CRB1: variants seen among roughly 807,000 people sequenced by gnomAD.
CRB1 encodes the protein crumbs cell polarity complex component 1, also known as protein crumbs homolog 1.
CRB1 carries 83 observed loss-of-function variants against 120.0 expected under a neutral mutation model. The ratio of observed to expected loss-of-function variants is 0.69; its 90% CI spans 0.58 to 0.83. The LOEUF (loss-of-function observed/expected upper bound fraction) is 0.83. Ranked by LOEUF, CRB1 falls within the 40% of genes least tolerant of loss-of-function variation. CRB1 has a pLI of 0.00. For missense variants in CRB1, 1,699 were observed against 1,687.6 expected (o/e 1.01, Z -0.12); for synonymous variants, 625 against 612.5 (o/e 1.02, Z -0.30).
the CRB1 span, among the ~76,000 whole-genome samples, chr1:197,259,588 A>G: frequency 6.6e-6 from 1 of 152,164 alleles, no homozygotes; most frequent in South Asian, 2.1e-4. Flanking sequence ...GTGGGGCTTG[A>G]AACCTAGGTG....
chr1:197,415,330 T>C (rs1456532652), intron 5 of CRB1, among the ~76,000 whole-genome samples: 2 of 152,218 alleles, frequency 1.3e-5, no homozygotes, highest in Non-Finnish European at 2.9e-5. Flanking sequence ...CATATCCCTG[T>C]GAAGGTGATC....
At chr1:197,442,051 G>A in intron 10 of CRB1, 115 bp from the exon 11 acceptor site, 1 of 1,151,756 alleles carries the variant, frequency 8.7e-7, no homozygotes, top group South Asian at 1.2e-5. Context: ...AGTATGTGTG[G>A]ATGGGTAGAT....
chr1:197,340,639 T>A (rs912687041), intron 2 of CRB1, among the ~76,000 whole-genome samples: 1 of 151,918 alleles, frequency 6.6e-6, no homozygotes, highest in Non-Finnish European at 1.5e-5. Flanking sequence ...GATGATGAGA[T>A]CTGATGACTA....
chr1:197,418,016 T>A (rs1664096633), intron 5 of CRB1, among the ~76,000 whole-genome samples: 1 of 151,994 alleles, frequency 6.6e-6, no homozygotes, highest in Non-Finnish European at 1.5e-5. Flanking sequence ...TATCTAATAG[T>A]GAGCCGAAAA....
At chr1:197,290,000 A>G (rs1393499553) in intron 1 of CRB1, among the ~76,000 whole-genome samples, 1 of 151,690 alleles carries the variant, frequency 6.6e-6, no homozygotes, top group Non-Finnish European at 1.5e-5. Flanking sequence ...TATAAAAGTT[A>G]TATTTGTCAG....
At chr1:197,363,135 G>GA (rs1385180593) in intron 5 of CRB1, among the ~76,000 whole-genome samples, 1 of 146,090 alleles carries the variant, frequency 6.8e-6, no homozygotes, top group African/African-American at 2.5e-5. Flanking sequence ...TTCTATTTAG[G>GA]TTTTTTTTTT....
chr1:197,477,905 G>A lies in CRB1; in HGVS notation c.*26G>A. ...GAGCATTGTGTCCCTTCGAGATGGG[G>A]ATCCACACACTGTGAATGTGATGAC... On this transcript the variant is annotated 3_prime_UTR_variant, in exon 12 of 12. Transcript: ENST00000367400. 1 of 1,603,000 alleles carries A rather than the reference G, an allele frequency of 6.2e-7. No individual in the cohort carries two copies. The highest frequency in any genetic ancestry group is 8.5e-7 in the Non-Finnish European group (1 of 1,170,154).
chr1:197,453,905 TAA>T (rs1195169414), intron 11 of CRB1, among the ~76,000 whole-genome samples: 3 of 34,966 alleles, frequency 8.6e-5, no homozygotes, highest in Non-Finnish European at 1.8e-4. Flanking sequence ...ATTATATTAT[TAA>T]TATATATTAT....
chr1:197,266,216 T>C (rs1034475700), upstream of CRB1, among the ~76,000 whole-genome samples: 1 of 152,168 alleles, frequency 6.6e-6, no homozygotes, highest in Admixed American at 6.5e-5. Context: ...ACTGGGTAAT[T>C]TATAACAAGA....
At position 197,286,920 on chromosome 1, in the gene CRB1, CTA is replaced by C. The variant is rs202004728; in HGVS notation, c.70+18440_70+18441del. Among the ~76,000 whole-genome samples the C allele has an allele frequency of 6.0e-3, 911 of 151,874 alleles. 10 individuals are homozygous for C. Among genetic ancestry groups the C allele is most frequent in the African/African-American group, 0.018 (755 of 41,480 alleles). On this transcript the variant is annotated intron_variant, in intron 1 of 11. Transcript: ENST00000367400. Reference sequence around the variant, plus strand: ...GTTTCATTCAAGGGAAAAAGAAAAACTATTTTGAATTCTATTAATTTTCTGCT... The same window carrying C: ...GTTTCATTCAAGGGAAAAAGAAAAACTTTTGAATTCTATTAATTTTCTGCT...
In CRB1 at chr1:197,344,208, A is replaced by G. The variant is rs1659633655; in HGVS notation, c.653-73A>G. On this transcript the variant is annotated intron_variant, in intron 2 of 11. Coordinates refer to ENST00000367400, the MANE Select transcript of CRB1 (RefSeq NM_201253.3). ...TGACAAGTGCTCTGGTAAACAAAGC[A>G]TTGTCAAATTGCTAAATTATGAACA... 7 of 1,388,912 alleles carry G rather than the reference A, an allele frequency of 5.0e-6. No individual in the cohort carries two copies. In the Admixed American group the frequency reaches 1.2e-4, roughly 23 times the overall value. The allele number at this position is 1,388,912 out of a possible 1,614,324, so 86.0% of individuals were successfully genotyped here. A position where few individuals can be genotyped will look rare whatever the true frequency, so the allele number is the denominator to read the frequency against.
chr1:197,375,398 A>G (rs2125390124), intron 5 of CRB1, among the ~76,000 whole-genome samples: 1 of 152,288 alleles, frequency 6.6e-6, no homozygotes, highest in South Asian at 2.1e-4. Context: ...ATCTGTTTTC[A>G]TAGCAGGCAG....
At chr1:197,355,883 AGTGG>A (rs1031019934) in intron 4 of CRB1, among the ~76,000 whole-genome samples, 6 of 152,246 alleles carry the variant, frequency 3.9e-5, no homozygotes, top group Non-Finnish European at 7.3e-5. Flanking sequence ...GCGTGGCCAG[AGTGG>A]GTGCCCAGGC....
intron 6 of CRB1, among the ~76,000 whole-genome samples, chr1:197,424,787 T>A (rs1174286074): frequency 3.3e-5 from 5 of 152,210 alleles, no homozygotes; most frequent in Admixed American, 3.3e-4. Flanking sequence ...TTAAATTTCA[T>A]CTTGTTGTAT....
the CRB1 span, among the ~76,000 whole-genome samples, chr1:197,256,932 C>CGTGT: frequency 0.033 from 4,677 of 141,458 alleles, 256 homozygotes; most frequent in African/African-American, 0.11. Flanking sequence ...ATAGGATTTG[C>CGTGT]GTGTGTGTGT....
At position 197,356,936 on chromosome 1, in the gene CRB1, G is replaced by A. The variant is rs777528044; in HGVS notation, c.1094G>A (p.Arg365His). 2.9e-5 allele frequency: 47 copies of A among 1,614,016 alleles called. No homozygotes were observed. Among genetic ancestry groups the A allele is most frequent in the Middle Eastern group, 3.3e-4 (2 of 6,084 alleles). Residue 365 changes from arginine to histidine, a missense_variant, in exon 5 of 12, where the codon CGC becomes CAC. Transcript: ENST00000367400. ...CTGTCCTCAGAGAAACAATATGGAC[G>A]CATCACTGGACTGCCTTCTTCTTTC... is the stretch of plus-strand genomic sequence containing the variant. Reference protein sequence around the residue: ...VELSSEKQYGRITGLPSSFSY... With the variant: ...VELSSEKQYGHITGLPSSFSY...
chr1:197,357,289 C>T (rs948559243), intron 5 of CRB1: 11 of 476,252 alleles, frequency 2.3e-5, no homozygotes, highest in South Asian at 9.7e-5. Context: ...AAGTTCTTTA[C>T]GTTACACACA....
At chr1:197,411,806 C>T (rs1403998147) in intron 5 of CRB1, among the ~76,000 whole-genome samples, 1 of 152,096 alleles carries the variant, frequency 6.6e-6, no homozygotes, top group Non-Finnish European at 1.5e-5. Context: ...GGTACAAGTA[C>T]AGATTTTTTT....
chr1:197,330,041 AT>A (rs1440994006), intron 2 of CRB1, among the ~76,000 whole-genome samples: 6 of 152,148 alleles, frequency 3.9e-5, no homozygotes, highest in Non-Finnish European at 8.8e-5. Flanking sequence ...TATTTGGAAA[AT>A]ATTTCTCTTC....
Sources: gnomAD v4.1 joint callset for allele counts (sites outside exome capture counted in the v4.1 genomes callset) on GRCh38, gnomAD v4.1.1 for gene constraint, MANE v1.5 for transcripts, NCBI Gene and HGNC (gene_info 2026-07-23, HGNC 2026-07-21) for gene names.